The following ERRFI1 variants were observed in gnomAD, a reference collection of about 807,000 sequenced individuals.
ERRFI1 encodes the protein mitogen-inducible gene 6 protein.
In ERRFI1, 12 loss-of-function variants were observed where a neutral mutation model predicts 14.6. The ratio of observed to expected loss-of-function variants is 0.82; its 90% confidence interval spans 0.53 to 1.33. The LOEUF (loss-of-function observed/expected upper bound fraction) is 1.33, where lower values mean the gene tolerates loss of function less well. Ranked by LOEUF, ERRFI1 falls within the 40% of genes most tolerant of loss-of-function variation. The probability of loss-of-function intolerance (pLI) is 0.00; values close to 1 mark genes in which losing one functional copy is unlikely to be tolerated. For missense variants in ERRFI1, 482 were observed against 572.1 expected, an observed-to-expected ratio of 0.84 and a Z score of 1.61; for synonymous variants, 202 against 209.9, an observed-to-expected ratio of 0.96 and a Z score of 0.32.
At chr1:8,015,422 A>G (rs777235827) in intron 2 of ERRFI1, 38 bp from the exon 3 acceptor site, 2 of 1,614,102 alleles carry the variant, frequency 1.2e-6, no homozygotes, top group Non-Finnish European at 1.7e-6. Flanking sequence ...ATAAGCGAAG[A>G]GCAATCACAG....
In ERRFI1 at chr1:8,014,319, G is replaced by A. The variant is rs777695539; in HGVS notation, c.280C>T (p.Pro94Ser). 1.2e-6 allele frequency: 2 copies of A among 1,613,354 alleles called. No homozygotes were observed. The highest frequency in any genetic ancestry group is 2.2e-5 in the East Asian group (1 of 44,854). Residue 94 changes from proline (P) to serine (S), a missense_variant, in exon 4 of 4, where the codon CCT (proline) becomes TCT (serine). Physicochemically the swap from Pro to Ser is moderately conservative, Grantham distance 74 (BLOSUM62 -1). Coordinates refer to ENST00000377482, the MANE Select transcript of ERRFI1 (RefSeq NM_018948.4). ...TTTTCACTTGGGGGAATAAGAAGAG[G>A]GGGCAAGCTGGACTTTTGAGATGGA... The part of the protein sequence containing the change: ...NGPSQKSSLP[P>S]LLIPPSENLG...
chr1:8,013,265 ATTTTTG>A lies in ERRFI1; in HGVS notation c.1328_1333del (p.Thr443_Lys444del). 6.2e-7 allele frequency: 1 copy of A among 1,614,044 alleles called. No individual in the cohort carries two copies. Among genetic ancestry groups the A allele is most frequent in the Non-Finnish European group, 8.5e-7 (1 of 1,180,014 alleles). On this transcript the variant is annotated inframe_deletion, in exon 4 of 4. Coordinates refer to ENST00000377482, the MANE Select transcript of ERRFI1 (RefSeq NM_018948.4). The surrounding 1 kb of genome is among the most constrained non-coding windows in gnomAD (Gnocchi z 4.3). ...ACGCTTCACGTGGCCACCCAGATCC[ATTTTTG>A]TTTTTGAGTCTGGCTTTTCTGTGGC...
At chr1:8,025,758 C>T (rs1641337627) in intron 1 of ERRFI1, among the ~76,000 whole-genome samples, 1 of 152,190 alleles carries the variant, frequency 6.6e-6, no homozygotes, top group Non-Finnish European at 1.5e-5. Flanking sequence ...TTCATGCTCG[C>T]CGCTCCCGAA....
At position 8,025,411 on chromosome 1, in the gene ERRFI1, T is replaced by TA. The variant is rs560375458; in HGVS notation, c.-74+746dup. Among the ~76,000 whole-genome samples the TA allele has an allele frequency of 2.4e-4, 37 of 152,326 alleles. No homozygotes were observed. The South Asian group carries it at 7.7e-3, about 32-fold the overall frequency. ...GTCCGATTCCATTCAAAGCCGTACT[T>TA]AAGACACTCAGAGCAAAGAATCACG... On this transcript the variant is annotated intron_variant, in intron 1 of 3. Transcript: ENST00000377482.
chr1:8,020,773 G>A (rs1270057789), intron 1 of ERRFI1, among the ~76,000 whole-genome samples: 1 of 152,084 alleles, frequency 6.6e-6, no homozygotes, highest in East Asian at 1.9e-4. Flanking sequence ...TCAAACTCCT[G>A]ACCTCAGGTG....
chr1:8,022,344 C>CATT (rs1641285198), intron 1 of ERRFI1, among the ~76,000 whole-genome samples: 1 of 152,198 alleles, frequency 6.6e-6, no homozygotes, highest in South Asian at 2.1e-4. Flanking sequence ...CCAATGATGG[C>CATT]ATTATAATCA....
At chr1:8,025,535 G>A (rs1386035357) in intron 1 of ERRFI1, among the ~76,000 whole-genome samples, 2 of 152,172 alleles carry the variant, frequency 1.3e-5, no homozygotes, top group Non-Finnish European at 2.9e-5. Flanking sequence ...CAGAGGGAGC[G>A]GGGCTGACCG....
rs1280156577 is a variant in ERRFI1 at position 8,013,744 on chromosome 1, G to T, written c.855C>A (p.Pro285=). The T allele has an allele frequency of 2.5e-6, 4 of 1,614,124 alleles. No homozygotes were observed. Among genetic ancestry groups the T allele is most frequent in the Non-Finnish European group, 2.5e-6 (3 of 1,180,006 alleles). The change falls in exon 4 of 4, where the codon CCC becomes CCA. Residue 285 remains proline, a synonymous_variant. Transcript: ENST00000377482. The surrounding 1 kb of genome is among the most constrained non-coding windows in gnomAD (Gnocchi z 4.3). ...CTGGTCTAGGAGGTATGGGAACTCT[G>T]GGGGGAACCTCAGGTTTGTCTTCAT... The part of the protein sequence containing the change: ...NSDEDKPEVP[P]RVPIPPRPVK...
At chr1:8,016,388 T>C (rs1461305172) in intron 1 of ERRFI1, among the ~76,000 whole-genome samples, 1 of 152,216 alleles carries the variant, frequency 6.6e-6, no homozygotes, top group Non-Finnish European at 1.5e-5. Flanking sequence ...CTGGGACAGC[T>C]TCCTCCCTCC....
At chr1:8,017,140 G>GA (rs1557465736) in intron 1 of ERRFI1, among the ~76,000 whole-genome samples, 2 of 145,998 alleles carry the variant, frequency 1.4e-5, no homozygotes, top group Non-Finnish European at 3.0e-5. Context: ...AAGGCACAGG[G>GA]TTTTTTTTTT....
Position 8,013,675 on chromosome 1 carries a change from G to A in ERRFI1, c.924C>T (p.Ser308=), listed in dbSNP as rs1557463565. 6.2e-7 allele frequency: 1 copy of A among 1,614,114 alleles called. No individual in the cohort carries two copies. The highest frequency in any genetic ancestry group is 1.3e-5 in the African/African-American group (1 of 75,024). ...YRRWSAEVTS[S]TYSDEDRPPK... ...GAGGCCTGTCTTCATCACTATAGGTGCTCGAAGTAACTTCTGCTGACCATC... is the reference window on the plus strand; with the variant it reads ...GAGGCCTGTCTTCATCACTATAGGTACTCGAAGTAACTTCTGCTGACCATC... Residue 308 remains serine, a synonymous_variant, in exon 4 of 4, where the codon AGC becomes AGT. Transcript: ENST00000377482. The surrounding 1 kb of genome is among the most constrained non-coding windows in gnomAD (Gnocchi z 4.3).
intron 1 of ERRFI1, among the ~76,000 whole-genome samples, chr1:8,021,829 G>C (rs1641277612): frequency 6.6e-6 from 1 of 152,182 alleles, no homozygotes; most frequent in Non-Finnish European, 1.5e-5. Flanking sequence ...AAACTGGTGA[G>C]CAATGGGGCC....
At chr1:8,016,131 T>C (rs1368098995) in intron 1 of ERRFI1, among the ~76,000 whole-genome samples, 1 of 152,212 alleles carries the variant, frequency 6.6e-6, no homozygotes, top group East Asian at 1.9e-4. Context: ...AGCCACTGTA[T>C]TTTATGCTGT....
At chr1:8,025,303 A>C (rs1303734615) in intron 1 of ERRFI1, among the ~76,000 whole-genome samples, 1 of 152,228 alleles carries the variant, frequency 6.6e-6, no homozygotes, top group Non-Finnish European at 1.5e-5. Flanking sequence ...GAGTCATCTA[A>C]TTTGTACAGG....
At position 8,026,194 on chromosome 1, in the gene ERRFI1, G is replaced by C. The variant is rs1396921689; in HGVS notation, c.-110C>G. On this transcript the variant is annotated 5_prime_UTR_variant, in exon 1 of 4. Coordinates refer to ENST00000377482, the MANE Select transcript of ERRFI1 (RefSeq NM_018948.4). ...GGCGGCTGCCCCGCGGCGCCCTCCC[G>C]CGCATGTCCGTCCCGGCTGGCTCAG... 1 of 151,576 alleles carries C rather than the reference G, an allele frequency of 6.6e-6. No homozygotes were observed. Among genetic ancestry groups the C allele is most frequent in the East Asian group, 1.9e-4 (1 of 5,130 alleles). 9.4% of individuals were successfully genotyped at this position (151,576 alleles called of 1,614,324 possible).
intron 1 of ERRFI1, among the ~76,000 whole-genome samples, chr1:8,021,613 C>T (rs1473218363): frequency 6.6e-6 from 1 of 152,096 alleles, no homozygotes; most frequent in Non-Finnish European, 1.5e-5. Flanking sequence ...TTAAGTTACC[C>T]GATGGGTAAC....
intron 1 of ERRFI1, among the ~76,000 whole-genome samples, chr1:8,016,910 T>C (rs1641183114): frequency 6.6e-6 from 1 of 151,644 alleles, no homozygotes. Flanking sequence ...GGTTTTTTTT[T>C]TTGTTTTTTT....
intron 1 of ERRFI1, among the ~76,000 whole-genome samples, chr1:8,019,114 T>C (rs1321363510): frequency 1.3e-5 from 2 of 152,170 alleles, no homozygotes; most frequent in African/African-American, 4.8e-5. Context: ...TTCTCAAATC[T>C]TACCCTTCCA....
intron 1 of ERRFI1, among the ~76,000 whole-genome samples, chr1:8,025,935 G>A (rs899138511): frequency 2.0e-5 from 3 of 151,776 alleles, no homozygotes; most frequent in Admixed American, 6.6e-5. Flanking sequence ...CCGCCGGGGA[G>A]GGTCCCGCTC....
Sources: gnomAD v4.1 joint callset for allele counts (sites outside exome capture counted in the v4.1 genomes callset) on GRCh38, gnomAD v4.1.1 for gene constraint, Gnocchi (gnomAD v3.1) non-coding constraint, MANE v1.5 for transcripts, NCBI Gene and HGNC (gene_info 2026-07-23, HGNC 2026-07-21) for gene names.